Variants in NKAIN3 observed in about 807,000 individuals in gnomAD.
NKAIN3 encodes sodium/potassium-transporting ATPase subunit beta-1-interacting protein 3.
NKAIN3 carries 25 observed loss-of-function variants against 30.2 expected under a neutral mutation model. The observed-to-expected ratio is 0.83, with a 90% CI of 0.60 to 1.16. The LOEUF (loss-of-function observed/expected upper bound fraction) is 1.16. Ranked by LOEUF, NKAIN3 falls within the 50% of genes most tolerant of loss-of-function variation. NKAIN3 has a pLI of 0.00. For synonymous variants in NKAIN3, 91 were observed against 89.6 expected (o/e 1.02, Z -0.09); for missense variants, 225 against 254.1 (o/e 0.89, Z 0.78).
intron 1 of NKAIN3, among the ~76,000 whole-genome samples, chr8:62,270,316 A>G (rs1027392150): frequency 2.0e-5 from 3 of 152,114 alleles, no homozygotes; most frequent in Admixed American, 6.6e-5. Context: ...TACTTGGCTC[A>G]AGCAGTCATC....
intron 4 of NKAIN3, among the ~76,000 whole-genome samples, chr8:62,896,149 C>T (rs558595049): frequency 1.2e-4 from 19 of 152,198 alleles, no homozygotes; most frequent in African/African-American, 4.1e-4. Context: ...CCAGCATAGT[C>T]AGGCTCGGGT....
At chr8:62,351,813 T>G (rs1012847109) in intron 1 of NKAIN3, among the ~76,000 whole-genome samples, 2 of 152,146 alleles carry the variant, frequency 1.3e-5, no homozygotes, top group Non-Finnish European at 2.9e-5. Context: ...ACCTTTCAGT[T>G]TTCTGGAATT....
intron 4 of NKAIN3, among the ~76,000 whole-genome samples, chr8:62,747,591 G>A (rs2130585297): frequency 6.6e-6 from 1 of 152,262 alleles, no homozygotes; most frequent in South Asian, 2.1e-4. Context: ...TCGCATTTTA[G>A]TGCCTAAAAT....
intron 4 of NKAIN3, among the ~76,000 whole-genome samples, chr8:62,840,566 G>A (rs1274079798): frequency 6.6e-6 from 1 of 152,044 alleles, no homozygotes; most frequent in Non-Finnish European, 1.5e-5. Context: ...GAGAGGCTCA[G>A]ATTGATAATA....
chr8:62,758,280 A>T (rs1048902274), intron 4 of NKAIN3, among the ~76,000 whole-genome samples: 4 of 152,188 alleles, frequency 2.6e-5, no homozygotes, highest in African/African-American at 9.6e-5. Context: ...GTGACCCTAG[A>T]CCAAAAAACA....
At position 62,497,272 on chromosome 8, in the gene NKAIN3, A is replaced by T. The variant is rs371581647; in HGVS notation, c.55-82267A>T. Among the ~76,000 whole-genome samples, 4 of 152,228 alleles carry T rather than the reference A, an allele frequency of 2.6e-5. No homozygotes were observed. In the South Asian group the frequency reaches 8.3e-4, roughly 32 times the overall value. On this transcript the variant is annotated intron_variant, in intron 1 of 6. Transcript: ENST00000623646. Reference sequence around the variant, plus strand: ...ATTTAAGGGAAAGAGAATGGAAATTATAGAAAATGAAATAAACATAGGATG... The same window carrying T: ...ATTTAAGGGAAAGAGAATGGAAATTTTAGAAAATGAAATAAACATAGGATG...
chr8:62,845,285 T>TTTTATATATATATATATATATATA (rs1554583723), intron 4 of NKAIN3, among the ~76,000 whole-genome samples: 1 of 68,928 alleles, frequency 1.5e-5, no homozygotes, highest in African/African-American at 4.9e-5. Context: ...GGATAGTAGA[T>TTTTATATATATATATATATATATA]TATATATATA....
At chr8:62,440,426 A>G (rs759890748) in intron 1 of NKAIN3, among the ~76,000 whole-genome samples, 25 of 152,172 alleles carry the variant, frequency 1.6e-4, no homozygotes, top group Non-Finnish European at 3.5e-4. Flanking sequence ...CCAATATATT[A>G]GCACGTATGT....
chr8:62,710,663 A>T (rs562425069), intron 3 of NKAIN3, among the ~76,000 whole-genome samples: 2 of 152,298 alleles, frequency 1.3e-5, no homozygotes, highest in East Asian at 3.9e-4. Flanking sequence ...GTGAGTTCTT[A>T]TCCATTCTGT....
At position 62,683,021 on chromosome 8, in the gene NKAIN3, GTTTT is replaced by G. The variant is rs146878511; in HGVS notation, c.274-63907_274-63904del. 3.3e-5 allele frequency among the ~76,000 whole-genome samples: 5 copies of G among 151,932 alleles called. No individual in the cohort carries two copies. In the South Asian group the frequency reaches 8.3e-4, roughly 25 times the overall value. Reference sequence around the variant, plus strand: ...ATTATGTGTCAGGTTTTGTTTGTTTGTTTTTTTGTTTGTTTGTTTGTTTGTTTTT... The same window carrying G: ...ATTATGTGTCAGGTTTTGTTTGTTTGTTTGTTTGTTTGTTTGTTTGTTTTT... On this transcript the variant is annotated intron_variant, in intron 3 of 6. Transcript: ENST00000623646.
intron 1 of NKAIN3, among the ~76,000 whole-genome samples, chr8:62,541,789 TTA>T (rs1254650603): frequency 1.3e-5 from 2 of 152,210 alleles, no homozygotes; most frequent in Non-Finnish European, 2.9e-5. Context: ...AGGTAATCTC[TTA>T]TTTTTCTGAA....
intron 1 of NKAIN3, among the ~76,000 whole-genome samples, chr8:62,323,456 T>G (rs1465438068): frequency 1.3e-5 from 2 of 152,232 alleles, no homozygotes; most frequent in African/African-American, 4.8e-5. Context: ...TCAATTATCC[T>G]TGGAAACAAG....
At chr8:62,985,799 T>C (rs1426763870), downstream of NKAIN3, among the ~76,000 whole-genome samples, 1 of 151,944 alleles carries the variant, frequency 6.6e-6, no homozygotes, top group South Asian at 2.1e-4. Context: ...GGGAACTTTC[T>C]GTATTGCTTT....
At chr8:62,583,474 C>A (rs1381488501) in intron 2 of NKAIN3, among the ~76,000 whole-genome samples, 1 of 152,140 alleles carries the variant, frequency 6.6e-6, no homozygotes, top group Non-Finnish European at 1.5e-5. Flanking sequence ...AAGAAAGCAA[C>A]AAATTTGTGT....
At chr8:62,855,932 C>T (rs1820047771) in intron 4 of NKAIN3, 3 of 744,234 alleles carry the variant, frequency 4.0e-6, no homozygotes, top group Middle Eastern at 2.9e-4. Flanking sequence ...ATGCTACAAC[C>T]TCCTTGTCCA....
chr8:62,589,180 A>C (rs1157054293), intron 2 of NKAIN3, among the ~76,000 whole-genome samples: 1 of 151,784 alleles, frequency 6.6e-6, no homozygotes, highest in Non-Finnish European at 1.5e-5. Context: ...AAAATATTTT[A>C]TATGGTTATA....
chr8:62,272,848 T>A (rs755666937), intron 1 of NKAIN3, among the ~76,000 whole-genome samples: 66 of 152,230 alleles, frequency 4.3e-4, no homozygotes, highest in Non-Finnish European at 6.8e-4. Flanking sequence ...TTAATTTTTT[T>A]AAAATTTTTG....
intron 1 of NKAIN3, among the ~76,000 whole-genome samples, chr8:62,444,506 A>C (rs1486247039): frequency 1.3e-5 from 2 of 152,100 alleles, no homozygotes; most frequent in South Asian, 2.1e-4. Flanking sequence ...TCTCTTAATA[A>C]AGTCACTCCC....
At position 62,386,177 on chromosome 8, in the gene NKAIN3, A is replaced by G. The variant is rs193003162; in HGVS notation, c.54+137050A>G. Among the ~76,000 whole-genome samples the G allele has an allele frequency of 8.1e-4, 123 of 152,332 alleles. 1 individual carries two copies. Among genetic ancestry groups the G allele is most frequent in the Non-Finnish European group, 9.4e-4 (64 of 68,024 alleles). ...GGACAACCCCCAGAATTATGACTCC[A>G]CTTTTTGAAAGCACGTGTGAGAAAG... On this transcript the variant is annotated intron_variant, in intron 1 of 6. Coordinates refer to ENST00000623646, the MANE Select transcript of NKAIN3 (RefSeq NM_001304533.3).
Sources: allele counts gnomAD v4.1 joint callset (sites outside exome capture counted in the v4.1 genomes callset), GRCh38; gene constraint gnomAD v4.1.1; transcripts MANE v1.5; gene names NCBI Gene and HGNC (gene_info 2026-07-23, HGNC 2026-07-21).